Variants in ADARB2 observed in about 807,000 individuals in gnomAD.
The protein encoded by ADARB2 is adenosine deaminase RNA specific B2 (inactive), also known as inactive double-stranded RNA-specific editase B2.
In ADARB2, 25 loss-of-function variants were observed where a neutral mutation model predicts 62.2. That is an observed-to-expected ratio of 0.40 (90% CI 0.29 to 0.56). The LOEUF (loss-of-function observed/expected upper bound fraction) is 0.56, where lower values mean the gene tolerates loss of function less well. Among genes scored for constraint, ADARB2 ranks in the 20% least tolerant of loss-of-function variants. The probability of loss-of-function intolerance (pLI) is 0.43; values close to 1 mark genes in which losing one functional copy is unlikely to be tolerated. For synonymous variants in ADARB2, 572 were observed against 500.8 expected (o/e 1.14, Z -1.90); for missense variants, 1,071 against 1,077.4 (o/e 0.99, Z 0.08).
chr10:1,673,516 T>C (rs1208188584), intron 1 of ADARB2, among the ~76,000 whole-genome samples: 1 of 152,236 alleles, frequency 6.6e-6, no homozygotes, highest in African/African-American at 2.4e-5. Context: ...TTCTTTACTT[T>C]CTAGTAGTAG....
intron 1 of ADARB2, among the ~76,000 whole-genome samples, chr10:1,697,353 T>C (rs1834760524): frequency 6.6e-6 from 1 of 152,194 alleles, no homozygotes; most frequent in African/African-American, 2.4e-5. Context: ...TCCTTGTTGC[T>C]CAGTTTTCAG....
chr10:1,310,376 T>C (rs2892331), intron 3 of ADARB2, among the ~76,000 whole-genome samples: 67,573 of 146,648 alleles, frequency 0.46, 16,500 homozygotes, highest in South Asian at 0.65. Flanking sequence ...AAAAACTTCA[T>C]TGACTCTGAA....
intron 1 of ADARB2, among the ~76,000 whole-genome samples, chr10:1,622,704 C>T (rs907707189): frequency 2.0e-5 from 3 of 152,158 alleles, no homozygotes; most frequent in Non-Finnish European, 4.4e-5. Flanking sequence ...TGAAAAGAGG[C>T]GATTCCTCAT....
intron 7 of ADARB2, among the ~76,000 whole-genome samples, chr10:1,208,453 G>T (rs4880789): frequency 0.27 from 40,470 of 152,188 alleles, 5,837 homozygotes; most frequent in African/African-American, 0.35. Context: ...GGGTGTGTCT[G>T]TCCCTGGCCC....
intron 1 of ADARB2, among the ~76,000 whole-genome samples, chr10:1,407,259 C>G (rs1832714869): frequency 6.6e-6 from 1 of 152,180 alleles, no homozygotes; most frequent in South Asian, 2.1e-4. Context: ...TCCTGGGAAG[C>G]AGGACGATGA....
At chr10:1,687,657 CAAA>C (rs111991667) in intron 1 of ADARB2, among the ~76,000 whole-genome samples, 1 of 141,604 alleles carries the variant, frequency 7.1e-6, no homozygotes, top group Non-Finnish European at 1.5e-5. Context: ...TTTTTTTCTG[CAAA>C]AAAAAAAAAT....
In ADARB2 at chr10:1,652,035, G is replaced by A. The variant is rs192034926; in HGVS notation, c.100+85016C>T. ...CAACCCTGCTGAGATCCTTGGGGAC[G>A]GGGCTGCGCCTTTCTCTTTGTGATT... On this transcript the variant is annotated intron_variant, in intron 1 of 9. Transcript: ENST00000381312. Among the ~76,000 whole-genome samples the A allele has an allele frequency of 9.2e-5, 14 of 152,352 alleles. No homozygotes were observed. In the East Asian group the frequency reaches 1.4e-3, roughly 15 times the overall value.
chr10:1,494,946 T>G (rs1161648067), intron 1 of ADARB2, among the ~76,000 whole-genome samples: 3 of 152,212 alleles, frequency 2.0e-5, no homozygotes, highest in African/African-American at 4.8e-5. Flanking sequence ...GCTAAAAACA[T>G]AAAAGATTTA....
At chr10:1,286,196 CCT>C (rs1491524141) in intron 3 of ADARB2, among the ~76,000 whole-genome samples, 2 of 152,134 alleles carry the variant, frequency 1.3e-5, no homozygotes, top group Admixed American at 6.5e-5. Context: ...CTCGAAGCCC[CCT>C]CTCAAACAAC....
rs549873992 is a variant in ADARB2, at chr10:1,530,187, T to C, written c.101-151027A>G. ...TTCTCCTCTGCTCACCTGTTGCCCC[T>C]GCTATGGGATGTGGAGCATGCAGCC... On this transcript the variant is annotated intron_variant, in intron 1 of 9. Transcript: ENST00000381312. Among the ~76,000 whole-genome samples, 6 of 152,230 alleles carry C rather than the reference T, an allele frequency of 3.9e-5. No individual in the cohort carries two copies. In the East Asian group the frequency reaches 9.6e-4, roughly 24 times the overall value.
chr10:1,415,814 T>C (rs983072571), intron 1 of ADARB2, among the ~76,000 whole-genome samples: 1 of 152,234 alleles, frequency 6.6e-6, no homozygotes, highest in African/African-American at 2.4e-5. Flanking sequence ...AAATTATCAC[T>C]TTCTCAATTG....
chr10:1,343,325 C>T (rs1359273731), intron 3 of ADARB2, among the ~76,000 whole-genome samples: 1 of 152,204 alleles, frequency 6.6e-6, no homozygotes, highest in Non-Finnish European at 1.5e-5. Context: ...TACCATCTCA[C>T]AGCCGTCAGA....
At chr10:1,211,894 A>C (rs1837157757) in intron 7 of ADARB2, among the ~76,000 whole-genome samples, 1 of 152,232 alleles carries the variant, frequency 6.6e-6, no homozygotes, top group South Asian at 2.1e-4. Flanking sequence ...TTTAGTTCTA[A>C]GTTTATGTAA....
At chr10:1,588,014 G>A (rs560506332) in intron 1 of ADARB2, among the ~76,000 whole-genome samples, 34 of 152,226 alleles carry the variant, frequency 2.2e-4, no homozygotes, top group African/African-American at 5.5e-4. Flanking sequence ...TCTCGGTTGC[G>A]TCTTTATCAA....
At chr10:1,539,641 C>T (rs74908791) in intron 1 of ADARB2, among the ~76,000 whole-genome samples, 7 of 152,290 alleles carry the variant, frequency 4.6e-5, no homozygotes, top group Non-Finnish European at 4.4e-5. Context: ...CTTCACTTTG[C>T]GAGGGAATTT....
chr10:1,345,474 G>GGCACCCTGT (rs1832072499), intron 3 of ADARB2, among the ~76,000 whole-genome samples: 1 of 152,084 alleles, frequency 6.6e-6, no homozygotes, highest in Admixed American at 6.5e-5. Flanking sequence ...GGACCTTTTC[G>GGCACCCTGT]GCACCCTGTG....
intron 3 of ADARB2, among the ~76,000 whole-genome samples, chr10:1,362,750 G>T (rs1832270671): frequency 1.3e-5 from 2 of 152,168 alleles, no homozygotes; most frequent in Admixed American, 1.3e-4. Context: ...TGGCACGGGG[G>T]ACCCGTCCCT....
At chr10:1,327,241 ACCTCCTCACTGCCCAGCG>A (rs1564258200) in intron 3 of ADARB2, among the ~76,000 whole-genome samples, 2 of 28,838 alleles carry the variant, frequency 6.9e-5, no homozygotes, top group East Asian at 9.9e-4. Flanking sequence ...ACGGCACAGC[ACCTCCTCACTGCCCAGCG>A]CCTCCTCACT....
intron 3 of ADARB2, among the ~76,000 whole-genome samples, chr10:1,358,025 A>G (rs1215642936): frequency 6.6e-6 from 1 of 152,190 alleles, no homozygotes; most frequent in Non-Finnish European, 1.5e-5. Flanking sequence ...TGCATCCTGC[A>G]CAAATAGTGT....
Sources: allele counts gnomAD v4.1 joint callset (sites outside exome capture counted in the v4.1 genomes callset), GRCh38; gene constraint gnomAD v4.1.1; transcripts MANE v1.5; gene names NCBI Gene and HGNC (gene_info 2026-07-23, HGNC 2026-07-21).